The following CCL17 variants were observed in gnomAD, a reference collection of about 807,000 sequenced individuals.
CCL17 encodes C-C motif chemokine ligand 17, also known as C-C motif chemokine 17.
In CCL17, 8 loss-of-function variants were observed where a neutral mutation model predicts 7.4. The observed-to-expected ratio is 1.09, with a 90% CI of 0.64 to 1.96. CCL17 has a LOEUF of 1.96. CCL17 is among the 30% of genes most tolerant of loss of function. CCL17 has a pLI of 0.00. For missense variants in CCL17, 102 were observed against 113.0 expected (o/e 0.90, Z 0.44); for synonymous variants, 40 against 46.1 (o/e 0.87, Z 0.54).
chr16:57,409,398 G>A (rs1172518800), intron 1 of CCL17, among the ~76,000 whole-genome samples: 1 of 152,210 alleles, frequency 6.6e-6, no homozygotes, highest in East Asian at 1.9e-4. Flanking sequence ...TGATGGAGCT[G>A]GAGGAAAAAG....
the CCL17 span, among the ~76,000 whole-genome samples, chr16:57,398,879 G>A: frequency 4.6e-5 from 7 of 152,240 alleles, no homozygotes; most frequent in Non-Finnish European, 7.3e-5. Flanking sequence ...TCTTGGGCCA[G>A]TGCCTGACCA....
At chr16:57,403,020 C>CAA (rs532901212), upstream of CCL17, among the ~76,000 whole-genome samples, 4 of 56,724 alleles carry the variant, frequency 7.1e-5, no homozygotes, top group Non-Finnish European at 1.4e-4. Context: ...AGCATTTCAG[C>CAA]AAAAAAAAAA....
intron 1 of CCL17, among the ~76,000 whole-genome samples, chr16:57,407,767 TCCAC>T (rs1333363861): frequency 6.6e-6 from 1 of 151,602 alleles, no homozygotes; most frequent in Admixed American, 6.6e-5. Flanking sequence ...CATCCATCCA[TCCAC>T]CCATTCATTC....
intron 2 of CCL17, among the ~76,000 whole-genome samples, chr16:57,414,530 T>A (rs1381228943): frequency 1.4e-5 from 2 of 139,824 alleles, no homozygotes; most frequent in African/African-American, 5.3e-5. Flanking sequence ...GCGATTCTCC[T>A]GCCTCAGCCT....
chr16:57,408,121 A>G (rs538176704), intron 1 of CCL17, among the ~76,000 whole-genome samples: 43 of 151,188 alleles, frequency 2.8e-4, no homozygotes, highest in Middle Eastern at 3.4e-3. Context: ...CCATCCATCT[A>G]TCCATCCATT....
At chr16:57,401,787 T>C (rs1902595313), upstream of CCL17, among the ~76,000 whole-genome samples, 1 of 152,064 alleles carries the variant, frequency 6.6e-6, no homozygotes. Context: ...CTCCTTTTGG[T>C]TGATTTTACT....
At chr16:57,403,213 AAT>A (rs1902621096), upstream of CCL17, among the ~76,000 whole-genome samples, 1 of 7,658 alleles carries the variant, frequency 1.3e-4, no homozygotes, top group Admixed American at 3.3e-3. Flanking sequence ...TAATATATAT[AAT>A]ATATATTATT....
At chr16:57,404,182 G>C (rs1902662004), upstream of CCL17, among the ~76,000 whole-genome samples, 1 of 152,150 alleles carries the variant, frequency 6.6e-6, no homozygotes, top group Non-Finnish European at 1.5e-5. Flanking sequence ...CCTCGTGGCT[G>C]CTGGAGGGTC....
rs1412560532 is a variant in CCL17 at position 57,415,257 on chromosome 16, C to T, written c.188+59C>T. 7 of 1,147,700 alleles carry T rather than the reference C, an allele frequency of 6.1e-6. No homozygotes were observed. The Admixed American group carries it at 1.2e-4, about 19-fold the overall frequency. 71.1% of individuals were successfully genotyped at this position (1,147,700 alleles called of 1,614,324 possible). ...GGCCAAGCATGGGGACAAGTGCACC[C>T]TGGAGCTCCCAGGACGGCCAATGGG... On this transcript the variant is annotated intron_variant, in intron 3 of 3. Coordinates refer to ENST00000219244, the MANE Select transcript of CCL17 (RefSeq NM_002987.3). The surrounding 1 kb of genome is among the most constrained non-coding windows in gnomAD (Gnocchi z 4.5).
chr16:57,405,632 A>C (rs1420691375), intron 1 of CCL17, among the ~76,000 whole-genome samples: 2 of 152,164 alleles, frequency 1.3e-5, no homozygotes, highest in Admixed American at 6.5e-5. Flanking sequence ...GCCAGGCTGC[A>C]AGGCAGAGAG....
chr16:57,411,502 C>T (rs541619300), intron 1 of CCL17, among the ~76,000 whole-genome samples: 108 of 152,346 alleles, frequency 7.1e-4, no homozygotes, highest in African/African-American at 2.5e-3. Flanking sequence ...CAGAACCCAC[C>T]GGGGAGTTTC....
At chr16:57,403,196 T>C (rs1199890083), upstream of CCL17, among the ~76,000 whole-genome samples, 1 of 27,562 alleles carries the variant, frequency 3.6e-5, no homozygotes, top group Non-Finnish European at 5.4e-5. Flanking sequence ...ATATATATTA[T>C]TATCTATAAT....
At chr16:57,408,817 G>A (rs1043158611) in intron 1 of CCL17, among the ~76,000 whole-genome samples, 38 of 151,414 alleles carry the variant, frequency 2.5e-4, no homozygotes, top group African/African-American at 4.8e-4. Flanking sequence ...CTTGTGATCC[G>A]CCTGCCTCAG....
intron 1 of CCL17, among the ~76,000 whole-genome samples, chr16:57,410,994 TG>T (rs1399498815): frequency 3.3e-5 from 5 of 152,212 alleles, no homozygotes; most frequent in African/African-American, 1.2e-4. Flanking sequence ...GGTTTCATGC[TG>T]TTGCCCTAAT....
upstream of CCL17, among the ~76,000 whole-genome samples, chr16:57,401,960 G>A (rs1379413058): frequency 1.3e-5 from 2 of 152,168 alleles, no homozygotes; most frequent in African/African-American, 4.8e-5. Context: ...AACTCAACCT[G>A]AGACAGTGGA....
intron 1 of CCL17, among the ~76,000 whole-genome samples, chr16:57,408,700 C>G (rs1902738227): frequency 6.6e-6 from 1 of 151,774 alleles, no homozygotes; most frequent in South Asian, 2.1e-4. Context: ...TCCCGAGCAG[C>G]TGGGATTACA....
the CCL17 span, among the ~76,000 whole-genome samples, chr16:57,397,929 T>G: frequency 1.6e-3 from 247 of 152,282 alleles, 1 homozygote; most frequent in African/African-American, 5.8e-3. Flanking sequence ...GCATATAGGT[T>G]AAGGTCAGGA....
At chr16:57,396,492 T>C in the CCL17 span, among the ~76,000 whole-genome samples, 6 of 152,086 alleles carry the variant, frequency 3.9e-5, no homozygotes, top group Non-Finnish European at 7.4e-5. Flanking sequence ...TATTTTACCA[T>C]TGGAGAAAAA....
the CCL17 span, among the ~76,000 whole-genome samples, chr16:57,398,304 G>A: frequency 6.6e-6 from 1 of 152,142 alleles, no homozygotes; most frequent in Non-Finnish European, 1.5e-5. Flanking sequence ...TCCTTACTTA[G>A]GTATGCCACT....
Sources: gnomAD v4.1 joint callset for allele counts (sites outside exome capture counted in the v4.1 genomes callset) on GRCh38, gnomAD v4.1.1 for gene constraint, Gnocchi (gnomAD v3.1) non-coding constraint, MANE v1.5 for transcripts, NCBI Gene and HGNC (gene_info 2026-07-23, HGNC 2026-07-21) for gene names.